The following CLU variants were observed in gnomAD, a reference collection of about 807,000 sequenced individuals.
CLU encodes aging-associated protein 4.
CLU carries 25 observed loss-of-function variants against 46.4 expected under a neutral mutation model. The observed-to-expected ratio is 0.54, with a 90% CI of 0.39 to 0.75. The LOEUF is 0.75. Among genes scored for constraint, CLU ranks in the 30% least tolerant of loss-of-function variants. CLU has a pLI of 0.00. For synonymous variants in CLU, 235 were observed against 235.1 expected, an observed-to-expected ratio of 1.00 and a Z score of 0.00; for missense variants, 504 against 592.1, an observed-to-expected ratio of 0.85 and a Z score of 1.54.
At chr8:27,598,321 TC>T (rs1220691145) in intron 8 of CLU, 71 bp from the exon 9 acceptor site, 14 of 1,603,688 alleles carry the variant, frequency 8.7e-6, no homozygotes, top group Admixed American at 1.7e-5. Context: ...CCCCGTAACT[TC>T]CTGGCTTTGT....
At chr8:27,602,573 G>A (rs1342658180) in intron 6 of CLU, among the ~76,000 whole-genome samples, 1 of 150,038 alleles carries the variant, frequency 6.7e-6, no homozygotes, top group Non-Finnish European at 1.5e-5. Context: ...TGCACTCCAG[G>A]CTGGGTGATA....
intron 5 of CLU, 24 bp downstream of exon 5, chr8:27,604,899 GC>G: frequency 6.2e-7 from 1 of 1,613,684 alleles, no homozygotes; most frequent in African/African-American, 1.3e-5. Context: ...TGCTCAAAAG[GC>G]CATGAGCTTC....
chr8:27,607,570 T>C (rs972164327), intron 3 of CLU, among the ~76,000 whole-genome samples: 4 of 152,104 alleles, frequency 2.6e-5, no homozygotes, highest in African/African-American at 9.7e-5. Flanking sequence ...TTGAATATTA[T>C]ATGTTAAAAA....
At chr8:27,607,747 CA>C (rs35500730) in intron 3 of CLU, among the ~76,000 whole-genome samples, 5,647 of 144,638 alleles carry the variant, frequency 0.039, 351 homozygotes, top group African/African-American at 0.13. Context: ...TGTTAGTCTT[CA>C]AAAAAAAAAA....
intron 8 of CLU, 86 bp downstream of exon 8, chr8:27,598,374 A>G (rs888491162): frequency 5.0e-6 from 8 of 1,596,126 alleles, no homozygotes; most frequent in East Asian, 4.5e-5. Context: ...CCACCAGGCT[A>G]TAGAGTCTGC....
rs1233044790 is a variant in CLU, at chr8:27,605,121, A to C, written c.632T>G (p.Leu211Arg). The change falls in exon 5 of 9, where the codon CTG (leucine) becomes CGG (arginine). Residue 211 changes from leucine to arginine, a missense_variant. Coordinates refer to ENST00000316403, the MANE Select transcript of CLU (RefSeq NM_001831.4). ...QDTYHYLPFS[L>R]PHRRPHFFFP... ...GAAGAAGTGAGGCCTCCGGTGGGGC[A>C]GGCTGAAGGGCAGGTAGTGGTAGGT... 6.2e-7 allele frequency: 1 copy of C among 1,614,150 alleles called. No homozygotes were observed. Among genetic ancestry groups the C allele is most frequent in the Non-Finnish European group, 8.5e-7 (1 of 1,180,024 alleles).
At chr8:27,610,869 G>A in intron 1 of CLU, 3 of 442,138 alleles carry the variant, frequency 6.8e-6, no homozygotes, top group Non-Finnish European at 1.3e-5. Context: ...GGCATCGGAG[G>A]AACCAGGCTC....
At position 27,599,279 on chromosome 8, in the gene CLU, C is replaced by A. The variant is rs983123781; in HGVS notation, c.1164+501G>T. 1.2e-5 allele frequency: 2 copies of A among 167,380 alleles called. No homozygotes were observed. Among genetic ancestry groups the A allele is most frequent in the Admixed American group, 1.1e-4 (2 of 17,550 alleles). 10.4% of individuals were successfully genotyped at this position (167,380 alleles called of 1,614,324 possible). ...CCCAGGCTGGTCTCAAATTCCTGGC[C>A]TCAAGCAATCCTCTTGCCTCTGCCT... On this transcript the variant is annotated intron_variant, in intron 7 of 8. Coordinates refer to ENST00000316403, the MANE Select transcript of CLU (RefSeq NM_001831.4). This position sits in a 1 kb window ranked among gnomAD's most constrained non-coding sequence, Gnocchi z 4.0.
chr8:27,599,864 C>T lies in CLU; in HGVS notation c.1080G>A (p.Glu360=). 6.2e-7 allele frequency: 1 copy of T among 1,614,172 alleles called. No individual in the cohort carries two copies. Among genetic ancestry groups the T allele is most frequent in the Non-Finnish European group, 8.5e-7 (1 of 1,180,018 alleles). Reference sequence around the variant, plus strand: ...CCCAGTTAAACTGCTCGTTCAGCTGCTCCAGCAAGGAGGAGGTGTTGAGCA... The same window carrying T: ...CCCAGTTAAACTGCTCGTTCAGCTGTTCCAGCAAGGAGGAGGTGTTGAGCA... ...WKMLNTSSLL[E]QLNEQFNWVS... The change falls in exon 7 of 9, where the codon GAG becomes GAA. Residue 360 remains glutamate, a synonymous_variant. Coordinates refer to ENST00000316403, the MANE Select transcript of CLU (RefSeq NM_001831.4). This position sits in a 1 kb window ranked among gnomAD's most constrained non-coding sequence, Gnocchi z 4.0.
At chr8:27,604,818 G>GTGAT in intron 5 of CLU, 106 bp downstream of exon 5, 1 of 1,291,212 alleles carries the variant, frequency 7.7e-7, no homozygotes, top group Non-Finnish European at 1.1e-6. Context: ...TATCACCCTT[G>GTGAT]TGATATTGCT....
At chr8:27,604,808 T>A (rs900077860) in intron 5 of CLU, 116 bp downstream of exon 5, 2 of 1,229,570 alleles carry the variant, frequency 1.6e-6, no homozygotes, top group Non-Finnish European at 2.4e-6. Context: ...ATAAGGATAA[T>A]ATCACCCTTG....
rs1392057676 is a variant in CLU at position 27,597,551 on chromosome 8, T to C, written c.*690A>G. On this transcript the variant is annotated 3_prime_UTR_variant, in exon 9 of 9. Transcript: ENST00000316403. The stretch of plus-strand genomic sequence containing the variant: ...CAATAGCTCTTACAAATAAAACTGA[T>C]AATTTGGACTTCTGGGCACCAAATG... 3 of 454,006 alleles carry C rather than the reference T, an allele frequency of 6.6e-6. No homozygotes were observed. Among genetic ancestry groups the C allele is most frequent in the Non-Finnish European group, 1.3e-5 (3 of 226,800 alleles). The allele number at this position is 454,006 out of a possible 1,614,324, so 28.1% of individuals were successfully genotyped here.
rs143634423 is a variant in CLU, at chr8:27,604,369, G to C, written c.856C>G (p.Arg286Gly). The change falls in exon 6 of 9, where the codon CGG becomes GGG. Residue 286 changes from arginine (R) to glycine (G), a missense_variant. By Grantham distance (125) the Arg-to-Gly change is moderately radical (BLOSUM62 -2). Transcript: ENST00000316403. ...CCCGTGGAGTTGTGGCGGATCTCCC[G>C]GCACACAGTCCGGTCATCGTCGCCT... The part of the protein sequence containing the change: ...REGDDDRTVC[R>G]EIRHNSTGCL... The C allele has an allele frequency of 3.7e-6, 6 of 1,614,044 alleles. No homozygotes were observed. The highest frequency in any genetic ancestry group is 1.7e-5 in the Admixed American group (1 of 60,002).
chr8:27,606,411 G>A lies in CLU; in HGVS notation c.360C>T (p.Thr120=), dbSNP rs759870203. The part of the protein sequence containing the change: ...WEECKPCLKQ[T]CMKFYARVCR... The stretch of plus-strand genomic sequence containing the variant: ...AGACGCGTGCGTAGAACTTCATGCA[G>A]GTCTGTTTCAGGCAGGGCTTACACT... Residue 120 remains threonine (T), a synonymous_variant, in exon 4 of 9, where the codon ACC becomes ACT. Coordinates refer to ENST00000316403, the MANE Select transcript of CLU (RefSeq NM_001831.4). 6.2e-7 allele frequency: 1 copy of A among 1,614,240 alleles called. No homozygotes were observed. The highest frequency in any genetic ancestry group is 8.5e-7 in the Non-Finnish European group (1 of 1,180,046).
chr8:27,597,386 G>A lies in CLU; in HGVS notation c.*855C>T, dbSNP rs1800620933. 4.4e-6 allele frequency: 2 copies of A among 454,538 alleles called. No homozygotes were observed. The highest frequency in any genetic ancestry group is 4.4e-6 in the Non-Finnish European group (1 of 226,784). 28.2% of individuals were successfully genotyped at this position (454,538 alleles called of 1,614,324 possible). A position where few individuals can be genotyped will look rare whatever the true frequency, so the allele number is the denominator to read the frequency against. On this transcript the variant is annotated 3_prime_UTR_variant, in exon 9 of 9. Transcript: ENST00000316403. Reference sequence around the variant, plus strand: ...TGGTTCAGACTAAAAGCCGAGAAACGCCTGTGGTCCAGGGAAAGGTATGAA... The same window carrying A: ...TGGTTCAGACTAAAAGCCGAGAAACACCTGTGGTCCAGGGAAAGGTATGAA...
In CLU at chr8:27,599,504, A is replaced by T; in HGVS notation, c.1164+276T>A. ...AACAAAAACAACAACAACAAAATAC[A>T]GGCTTGGCAGCCAGGCAGTCAGGTT... On this transcript the variant is annotated intron_variant, in intron 7 of 8. Coordinates refer to ENST00000316403, the MANE Select transcript of CLU (RefSeq NM_001831.4). The surrounding 1 kb of genome is among the most constrained non-coding windows in gnomAD (Gnocchi z 4.0). 2.1e-6 allele frequency: 1 copy of T among 474,606 alleles called. No individual in the cohort carries two copies. Among genetic ancestry groups the T allele is most frequent in the South Asian group, 2.3e-5 (1 of 43,092 alleles). 29.4% of individuals were successfully genotyped at this position (474,606 alleles called of 1,614,324 possible). A position where few individuals can be genotyped will look rare whatever the true frequency, so the allele number is the denominator to read the frequency against.
In CLU at chr8:27,604,486, A is replaced by G. The variant is rs927303387; in HGVS notation, c.830-91T>C. The G allele has an allele frequency of 4.6e-6, 5 of 1,084,150 alleles. No individual in the cohort carries two copies. In the Admixed American group the frequency reaches 5.9e-5, roughly 13 times the overall value. 67.2% of individuals were successfully genotyped at this position (1,084,150 alleles called of 1,614,324 possible). ...TATTGTTATTTTTATTTATTTTTTA[A>G]TTTACAGACAGGGTCTCACTCTGTT... On this transcript the variant is annotated intron_variant, in intron 5 of 8. Coordinates refer to ENST00000316403, the MANE Select transcript of CLU (RefSeq NM_001831.4).
rs1800623459 is a variant in CLU, at chr8:27,597,457, A to T, written c.*784T>A. On this transcript the variant is annotated 3_prime_UTR_variant, in exon 9 of 9. Coordinates refer to ENST00000316403, the MANE Select transcript of CLU (RefSeq NM_001831.4). ...GACAGGAAATGCCACAGTCAAGAAGATGCCCCTGGGATGCTGAGCTCTTAC... is the reference window on the plus strand; with the variant it reads ...GACAGGAAATGCCACAGTCAAGAAGTTGCCCCTGGGATGCTGAGCTCTTAC... 2.2e-6 allele frequency: 1 copy of T among 454,316 alleles called. No individual in the cohort carries two copies. The allele number at this position is 454,316 out of a possible 1,614,324, so 28.1% of individuals were successfully genotyped here. A position where few individuals can be genotyped will look rare whatever the true frequency, so the allele number is the denominator to read the frequency against.
chr8:27,599,779 C>T lies in CLU; in HGVS notation c.1164+1G>A. On this transcript the variant is annotated splice_donor_variant, in intron 7 of 8. Transcript: ENST00000316403. LOFTEE classifies it high-confidence loss of function. The surrounding 1 kb of genome is among the most constrained non-coding windows in gnomAD (Gnocchi z 4.0). ...CAGCATGTGGCCGGGACACAGCTCA[C>T]CGTGGTGACCCGCAGATAGTACTGG... is the stretch of plus-strand genomic sequence containing the variant. 1 of 1,604,216 alleles carries T rather than the reference C, an allele frequency of 6.2e-7. No homozygotes were observed. The highest frequency in any genetic ancestry group is 8.5e-7 in the Non-Finnish European group (1 of 1,174,676).
Sources: allele counts gnomAD v4.1 joint callset (sites outside exome capture counted in the v4.1 genomes callset), GRCh38; gene constraint gnomAD v4.1.1; non-coding constraint Gnocchi (gnomAD v3.1); transcripts MANE v1.5; gene names NCBI Gene and HGNC (gene_info 2026-07-23, HGNC 2026-07-21).